Variants in OSBPL9 observed in about 807,000 individuals in gnomAD.
OSBPL9 encodes oxysterol-binding protein-related protein 9.
Under a neutral mutation model 106.6 loss-of-function variants are expected in OSBPL9, and 40 were observed. The ratio of observed to expected loss-of-function variants is 0.38; its 90% CI spans 0.29 to 0.49. The LOEUF (loss-of-function observed/expected upper bound fraction) is 0.49, where lower values mean the gene tolerates loss of function less well. OSBPL9 is among the 20% of genes least tolerant of loss of function. The pLI, the probability that OSBPL9 is intolerant of heterozygous loss-of-function variation, is 0.97. For synonymous variants in OSBPL9, 269 were observed against 295.4 expected, an observed-to-expected ratio of 0.91 and a Z score of 0.92; for missense variants, 609 against 887.2, an observed-to-expected ratio of 0.69 and a Z score of 3.98.
Position 51,783,988 on chromosome 1 carries a change from C to T in OSBPL9, c.1587C>T (p.Phe529=), listed in dbSNP as rs202233200. 11 of 1,613,766 alleles carry T rather than the reference C, an allele frequency of 6.8e-6. No homozygotes were observed. The African/African-American group carries it at 1.1e-4, about 16-fold the overall frequency. Residue 529 remains phenylalanine, a synonymous_variant, in exon 18 of 24, where the codon TTC becomes TTT. Coordinates refer to ENST00000428468, the MANE Select transcript of OSBPL9 (RefSeq NM_024586.6). The part of the protein sequence containing the change: ...FNAHIWTKSK[F]LGMSIGVHNI... The stretch of plus-strand genomic sequence containing the variant: ...CTCATATCTGGACCAAATCAAAATT[C>T]CTTGGGATGTCAATTGGGGTGCACA...
At chr1:51,719,431 G>A (rs1161488668) in intron 4 of OSBPL9, among the ~76,000 whole-genome samples, 1 of 151,970 alleles carries the variant, frequency 6.6e-6, no homozygotes, top group Non-Finnish European at 1.5e-5. Context: ...TAATAGAGGG[G>A]AACTTTTCAG....
At chr1:51,762,067 G>A (rs1025844747) in intron 11 of OSBPL9, 96 bp downstream of exon 11, 9 of 831,294 alleles carry the variant, frequency 1.1e-5, no homozygotes, top group Non-Finnish European at 1.0e-5. Flanking sequence ...TTGAAGAAAT[G>A]TGTTGTATAT....
chr1:51,738,724 T>G (rs1223308536), intron 4 of OSBPL9, among the ~76,000 whole-genome samples: 1 of 152,060 alleles, frequency 6.6e-6, no homozygotes, highest in East Asian at 1.9e-4. Flanking sequence ...TAAATACAAT[T>G]TAACTTATGC....
the OSBPL9 span, among the ~76,000 whole-genome samples, chr1:51,552,350 T>A: frequency 1.3e-5 from 2 of 152,194 alleles, no homozygotes; most frequent in African/African-American, 4.8e-5. Context: ...CTACCATGTA[T>A]TGAGCACTTA....
the OSBPL9 span, among the ~76,000 whole-genome samples, chr1:51,557,160 A>G: frequency 6.6e-6 from 1 of 152,182 alleles, no homozygotes; most frequent in South Asian, 2.1e-4. Flanking sequence ...TTTCATGGCC[A>G]AAAAAGTTTT....
intron 3 of OSBPL9, among the ~76,000 whole-genome samples, chr1:51,685,456 G>A (rs1011381730): frequency 3.3e-5 from 5 of 151,674 alleles, no homozygotes; most frequent in African/African-American, 4.8e-5. Flanking sequence ...CACTCAGGCT[G>A]GAGTATAGTG....
chr1:51,617,026 GC>G, upstream of OSBPL9: 1 of 636,760 alleles, frequency 1.6e-6, no homozygotes, highest in Non-Finnish European at 2.1e-6. Context: ...GACCCGCCCC[GC>G]CCCCTGCGGC....
intron 1 of OSBPL9, among the ~76,000 whole-genome samples, chr1:51,631,408 G>T (rs1301736273): frequency 6.6e-6 from 1 of 152,054 alleles, no homozygotes; most frequent in Non-Finnish European, 1.5e-5. Flanking sequence ...CAAGCATGGT[G>T]GAGTGTACCT....
intron 1 of OSBPL9, among the ~76,000 whole-genome samples, chr1:51,592,302 A>G (rs1645280864): frequency 6.6e-6 from 1 of 151,882 alleles, no homozygotes. Context: ...TTTTTAGTAG[A>G]GACAGGGTTT....
intron 2 of OSBPL9, among the ~76,000 whole-genome samples, chr1:51,603,824 C>T (rs1643911413): frequency 6.6e-6 from 1 of 151,964 alleles, no homozygotes; most frequent in Non-Finnish European, 1.5e-5. Flanking sequence ...ATCAGTAAAC[C>T]CGGGTAGGAG....
At chr1:51,587,400 C>T (rs1342928663) in intron 1 of OSBPL9, among the ~76,000 whole-genome samples, 2 of 152,094 alleles carry the variant, frequency 1.3e-5, no homozygotes, top group African/African-American at 4.8e-5. Flanking sequence ...ATCTGAAACT[C>T]GAACACCCAT....
chr1:51,658,770 G>A lies in OSBPL9; in HGVS notation c.162+6729G>A, dbSNP rs1287553465. 2.0e-5 allele frequency among the ~76,000 whole-genome samples: 3 copies of A among 151,984 alleles called. No homozygotes were observed. The East Asian group carries it at 5.8e-4, about 29-fold the overall frequency. On this transcript the variant is annotated intron_variant, in intron 2 of 23. Transcript: ENST00000428468. ...ACTTTTTTTTTTCACAATGCAATAA[G>A]GTGTTATTTTTAGGTTAATGTATAA... is the stretch of plus-strand genomic sequence containing the variant.
At chr1:51,550,478 T>C in the OSBPL9 span, among the ~76,000 whole-genome samples, 1 of 152,350 alleles carries the variant, frequency 6.6e-6, no homozygotes, top group Non-Finnish European at 1.5e-5. Context: ...TCAGCACTGC[T>C]CAGTAAATAC....
At chr1:51,716,447 G>A (rs1216310546) in intron 4 of OSBPL9, among the ~76,000 whole-genome samples, 2 of 152,180 alleles carry the variant, frequency 1.3e-5, no homozygotes, top group African/African-American at 4.8e-5. Flanking sequence ...TGTTTTAGTG[G>A]TTAAATAAAC....
chr1:51,639,415 G>A lies in OSBPL9; in HGVS notation c.112-12576G>A, dbSNP rs146322809. 2.0e-5 allele frequency among the ~76,000 whole-genome samples: 3 copies of A among 152,266 alleles called. No individual in the cohort carries two copies. The East Asian group carries it at 5.8e-4, about 29-fold the overall frequency. ...TGTTTACATTTATGCGTAAAGGAGAGGAACTGTTGTGACATTTGTCCACGT... is the reference window on the plus strand; with the variant it reads ...TGTTTACATTTATGCGTAAAGGAGAAGAACTGTTGTGACATTTGTCCACGT... On this transcript the variant is annotated intron_variant, in intron 1 of 23. Coordinates refer to ENST00000428468, the MANE Select transcript of OSBPL9 (RefSeq NM_024586.6).
chr1:51,668,948 A>C (rs1033554557), intron 2 of OSBPL9, among the ~76,000 whole-genome samples: 2 of 152,220 alleles, frequency 1.3e-5, no homozygotes, highest in Non-Finnish European at 2.9e-5. Flanking sequence ...AAGCACTTGG[A>C]AGAAGGGGTT....
chr1:51,576,525 G>GT (rs999057430), upstream of OSBPL9, among the ~76,000 whole-genome samples: 2 of 151,740 alleles, frequency 1.3e-5, no homozygotes, highest in South Asian at 4.1e-4. Flanking sequence ...GTTTTTTTGG[G>GT]TTTTTTTGTT....
chr1:51,652,676 G>T (rs1181253519), intron 2 of OSBPL9, among the ~76,000 whole-genome samples: 1 of 152,068 alleles, frequency 6.6e-6, no homozygotes, highest in African/African-American at 2.4e-5. Context: ...TACACAAAGG[G>T]TACATCTCAA....
intron 4 of OSBPL9, among the ~76,000 whole-genome samples, chr1:51,725,229 G>T (rs1337222072): frequency 1.3e-5 from 2 of 151,490 alleles, no homozygotes; most frequent in African/African-American, 4.9e-5. Context: ...GCCCATTAAA[G>T]GCAGTCTTCA....
Sources: gnomAD v4.1 joint callset for allele counts (sites outside exome capture counted in the v4.1 genomes callset) on GRCh38, gnomAD v4.1.1 for gene constraint, MANE v1.5 for transcripts, NCBI Gene and HGNC (gene_info 2026-07-23, HGNC 2026-07-21) for gene names.